The following TIAM2 variants were observed in gnomAD, a reference collection of about 807,000 sequenced individuals.
TIAM2 encodes the protein TIAM Rac1 associated GEF 2.
A neutral mutation model predicts 152.9 loss-of-function variants in TIAM2; 80 were observed. The ratio of observed to expected loss-of-function variants is 0.52; its 90% CI spans 0.44 to 0.63. The LOEUF is 0.63. Ranked by LOEUF, TIAM2 falls within the 30% of genes least tolerant of loss-of-function variation. The probability of loss-of-function intolerance (pLI) is 0.00; values close to 1 mark genes in which losing one functional copy is unlikely to be tolerated. For synonymous variants in TIAM2, 804 were observed against 838.0 expected (o/e 0.96, Z 0.70); for missense variants, 1,965 against 2,120.1 (o/e 0.93, Z 1.44).
At chr6:155,097,163 T>G (rs989635488) in intron 2 of TIAM2, among the ~76,000 whole-genome samples, 2 of 152,216 alleles carry the variant, frequency 1.3e-5, no homozygotes, top group African/African-American at 2.4e-5. Context: ...TTGAGAAATA[T>G]CAGTTCAGAT....
At chr6:155,155,520 G>A (rs972710914) in intron 7 of TIAM2, among the ~76,000 whole-genome samples, 1 of 152,166 alleles carries the variant, frequency 6.6e-6, no homozygotes, top group Non-Finnish European at 1.5e-5. Context: ...TGTCGCCCAG[G>A]CTGGAATGCA....
intron 9 of TIAM2, among the ~76,000 whole-genome samples, chr6:155,173,708 A>C (rs886682948): frequency 2.0e-5 from 3 of 152,240 alleles, no homozygotes; most frequent in African/African-American, 7.2e-5. Flanking sequence ...GAGGATGCAG[A>C]AGACAAAGCC....
intron 15 of TIAM2, chr6:155,217,007 C>T: frequency 7.8e-7 from 1 of 1,277,354 alleles, no homozygotes. Flanking sequence ...GTGTCTTACA[C>T]ATCTCCCAAC....
At chr6:155,029,043 A>T (rs1291272471) in intron 1 of TIAM2, among the ~76,000 whole-genome samples, 1 of 130,884 alleles carries the variant, frequency 7.6e-6, no homozygotes, top group Non-Finnish European at 1.6e-5. Context: ...TACTATATAT[A>T]CTATGTTATA....
chr6:155,111,125 A>G (rs1344557156), intron 2 of TIAM2, among the ~76,000 whole-genome samples: 1 of 152,186 alleles, frequency 6.6e-6, no homozygotes, highest in East Asian at 1.9e-4. Context: ...GAATAAAGAC[A>G]GGCTCTTTTT....
chr6:155,247,889 T>C (rs375375730), intron 19 of TIAM2, 111 bp from the exon 20 acceptor site: 1 of 1,340,014 alleles, frequency 7.5e-7, no homozygotes, highest in Non-Finnish European at 1.0e-6. Flanking sequence ...CATTAAAGAA[T>C]GGCATTAGGA....
intron 24 of TIAM2, chr6:155,253,706 C>A: frequency 2.8e-6 from 1 of 357,770 alleles, no homozygotes. Context: ...CACTGAATCT[C>A]CTCTTCCCCA....
At chr6:155,026,266 G>C (rs1330500495) in intron 1 of TIAM2, among the ~76,000 whole-genome samples, 1 of 152,186 alleles carries the variant, frequency 6.6e-6, no homozygotes, top group Non-Finnish European at 1.5e-5. Flanking sequence ...TTAGGGATCT[G>C]TTCAGAATTT....
chr6:155,062,178 T>C (rs904539030), intron 1 of TIAM2, among the ~76,000 whole-genome samples: 2 of 151,884 alleles, frequency 1.3e-5, no homozygotes, highest in African/African-American at 2.4e-5. Context: ...CTGCTCTTTT[T>C]CATTGCTGAA....
At position 155,130,181 on chromosome 6, in the gene TIAM2, G is replaced by A. The variant is rs763216069; in HGVS notation, c.958G>A (p.Asp320Asn). 6.2e-7 allele frequency: 1 copy of A among 1,614,140 alleles called. No individual in the cohort carries two copies. Among genetic ancestry groups the A allele is most frequent in the African/African-American group, 1.3e-5 (1 of 75,044 alleles). The change falls in exon 4 of 27, where the codon GAT becomes AAT. Residue 320 changes from aspartate to asparagine, a missense_variant. Physicochemically the swap from Asp to Asn is conservative, Grantham distance 23 (BLOSUM62 1). Coordinates refer to ENST00000682666, the MANE Select transcript of TIAM2 (RefSeq NM_012454.4). Reference protein sequence around the residue: ...SLSPSGIRLSDEYMGTHASLS... With the variant: ...SLSPSGIRLSNEYMGTHASLS... ...CTCCCCCTCAGGTATCCGCCTTTCTGATGAATACATGGGCACGCATGCCAG... is the reference window on the plus strand; with the variant it reads ...CTCCCCCTCAGGTATCCGCCTTTCTAATGAATACATGGGCACGCATGCCAG...
chr6:155,154,631 C>T (rs1780062221), intron 7 of TIAM2, among the ~76,000 whole-genome samples: 1 of 152,200 alleles, frequency 6.6e-6, no homozygotes, highest in South Asian at 2.1e-4. Flanking sequence ...GACAAAACCT[C>T]ACCACCCTTA....
chr6:155,002,367 C>T lies in TIAM2; in HGVS notation c.-209+6875C>T, dbSNP rs1442166933. ...TCGAGGCAACAGTGAGCCATGATCA[C>T]GCCACTGTACTCCAGCCTGGGTGAC... On this transcript the variant is annotated intron_variant, in intron 1 of 26. Coordinates refer to ENST00000682666, the MANE Select transcript of TIAM2 (RefSeq NM_012454.4). Among the ~76,000 whole-genome samples the T allele has an allele frequency of 3.9e-5, 6 of 152,146 alleles. No individual in the cohort carries two copies. In the East Asian group the frequency reaches 7.7e-4, roughly 20 times the overall value.
At chr6:155,050,232 A>G (rs1198138608) in intron 1 of TIAM2, among the ~76,000 whole-genome samples, 10 of 152,190 alleles carry the variant, frequency 6.6e-5, no homozygotes, top group Non-Finnish European at 1.0e-4. Flanking sequence ...GGGTTTCACC[A>G]TGTTGGCCAG....
chr6:155,012,653 C>T (rs566414987), intron 1 of TIAM2, among the ~76,000 whole-genome samples: 15 of 152,312 alleles, frequency 9.8e-5, no homozygotes, highest in Admixed American at 4.6e-4. Context: ...CGGGTTCAAG[C>T]GATTCTCCTG....
rs778805702 is a variant in TIAM2 at position 155,129,187 on chromosome 6, G to C, written c.-6-31G>C. The C allele has an allele frequency of 6.3e-7, 1 of 1,587,174 alleles. No homozygotes were observed. Among genetic ancestry groups the C allele is most frequent in the South Asian group, 1.1e-5 (1 of 89,352 alleles). ...CATAATGGAATGTAATTTAGGCCAC[G>C]GTCTTACTGATGCAACTGTTCTTAA... On this transcript the variant is annotated intron_variant, in intron 3 of 26. Transcript: ENST00000682666. The surrounding 1 kb of genome is among the most constrained non-coding windows in gnomAD (Gnocchi z 4.8).
At chr6:155,002,536 C>T (rs368562951) in intron 1 of TIAM2, among the ~76,000 whole-genome samples, 7 of 152,178 alleles carry the variant, frequency 4.6e-5, no homozygotes, top group South Asian at 4.1e-4. Context: ...GGTTAACCCC[C>T]AGTCATCCAC....
chr6:155,093,492 G>A (rs749773353), intron 2 of TIAM2, among the ~76,000 whole-genome samples: 1 of 152,230 alleles, frequency 6.6e-6, no homozygotes, highest in Non-Finnish European at 1.5e-5. Flanking sequence ...AAGTGTCTGA[G>A]CAGATGTCAT....
chr6:155,227,025 G>T (rs913003784), intron 15 of TIAM2, among the ~76,000 whole-genome samples: 1 of 152,230 alleles, frequency 6.6e-6, no homozygotes, highest in Non-Finnish European at 1.5e-5. Flanking sequence ...AGAAACAGGA[G>T]AGTTAACTAG....
Position 155,213,382 on chromosome 6 carries a change from A to G in TIAM2, c.3168+2075A>G, listed in dbSNP as rs1054380378. ...CCTGGAGTGGGTAGCTCCTCTCCAC[A>G]GCTGGTAGTACTAATGTCTGCTTAG... On this transcript the variant is annotated intron_variant, in intron 15 of 26. Coordinates refer to ENST00000682666, the MANE Select transcript of TIAM2 (RefSeq NM_012454.4). This position sits in a 1 kb window ranked among gnomAD's most constrained non-coding sequence, Gnocchi z 4.2. Among the ~76,000 whole-genome samples, 2 of 152,164 alleles carry G rather than the reference A, an allele frequency of 1.3e-5. No homozygotes were observed. Among genetic ancestry groups the G allele is most frequent in the Admixed American group, 6.5e-5 (1 of 15,288 alleles).
Sources: allele counts gnomAD v4.1 joint callset (sites outside exome capture counted in the v4.1 genomes callset), GRCh38; gene constraint gnomAD v4.1.1; non-coding constraint Gnocchi (gnomAD v3.1); transcripts MANE v1.5; gene names NCBI Gene and HGNC (gene_info 2026-07-23, HGNC 2026-07-21).